The following TMEM26 variants were observed in gnomAD, a reference collection of about 807,000 sequenced individuals.
TMEM26 encodes the protein transmembrane protein 26.
Under a neutral mutation model 28.8 loss-of-function variants are expected in TMEM26, and 38 were observed. That is an observed-to-expected ratio of 1.32 (90% CI 1.02 to 1.73). TMEM26 has a LOEUF of 1.73. Ranked by LOEUF, TMEM26 falls within the 40% of genes most tolerant of loss-of-function variation. The pLI is 0.00. For missense variants in TMEM26, 518 were observed against 447.1 expected, an observed-to-expected ratio of 1.16 and a Z score of -1.43; for synonymous variants, 227 against 182.9, an observed-to-expected ratio of 1.24 and a Z score of -1.95.
chr10:61,420,612 A>G (rs1839729588), intron 4 of TMEM26, among the ~76,000 whole-genome samples: 1 of 151,960 alleles, frequency 6.6e-6, no homozygotes, highest in East Asian at 1.9e-4. Context: ...TACACCTGTA[A>G]ACTATGTTTT....
chr10:61,452,978 C>A lies in TMEM26; in HGVS notation c.104G>T (p.Arg35Leu), dbSNP rs1840317089. The change falls in exon 1 of 6, where the codon CGG (arginine) becomes CTG (leucine). Residue 35 changes from arginine to leucine, a missense_variant. By Grantham distance (102) the Arg-to-Leu change is moderately radical. Transcript: ENST00000399298. ...WRVTEVKKEPRYWLLALLNLL... is the reference protein window; with the variant it reads ...WRVTEVKKEPLYWLLALLNLL... ...GTTGAGCAGCGCAAGCAGCCAGTAC[C>A]GCGGCTCCTTCTTCACCTCGGTCAC... 1 of 1,614,066 alleles carries A rather than the reference C, an allele frequency of 6.2e-7. No homozygotes were observed. The highest frequency in any genetic ancestry group is 8.5e-7 in the Non-Finnish European group (1 of 1,180,028).
At position 61,408,432 on chromosome 10, in the gene TMEM26, C is replaced by T. The variant is rs1345706143; in HGVS notation, c.*1890G>A. 1 of 152,112 alleles carries T rather than the reference C, an allele frequency of 6.6e-6. No individual in the cohort carries two copies. The highest frequency in any genetic ancestry group is 6.5e-5 in the Admixed American group (1 of 15,274). 9.4% of individuals were successfully genotyped at this position (152,112 alleles called of 1,614,324 possible). ...TTTATACTTTATCTATTTTTAGGGC[C>T]TCAGTGTTTATTTTGCTGGAAGAAA... On this transcript the variant is annotated 3_prime_UTR_variant, in exon 6 of 6. Transcript: ENST00000399298.
intron 4 of TMEM26, among the ~76,000 whole-genome samples, chr10:61,420,509 G>A (rs756520892): frequency 6.6e-6 from 1 of 152,092 alleles, no homozygotes; most frequent in African/African-American, 2.4e-5. Flanking sequence ...CAGAAACAAT[G>A]AAGGCCAGTA....
rs1455669555 is a variant in TMEM26, at chr10:61,410,402, G to T, written c.1027C>A (p.Gln343Lys). Residue 343 changes from glutamine (Q) to lysine (K), a missense_variant, in exon 6 of 6, where the codon CAG becomes AAG. Coordinates refer to ENST00000399298, the MANE Select transcript of TMEM26 (RefSeq NM_178505.8). Reference protein sequence around the residue: ...SESGPSQRDWQNESKEGLAIP... With the variant: ...SESGPSQRDWKNESKEGLAIP... ...GCCAGGCCCTCCTTAGACTCGTTCT[G>T]CCAGTCCCGCTGAGAGGGCCCACTC... is the stretch of plus-strand genomic sequence containing the variant. 2 of 1,613,922 alleles carry T rather than the reference G, an allele frequency of 1.2e-6. No individual in the cohort carries two copies. The highest frequency in any genetic ancestry group is 1.7e-6 in the Non-Finnish European group (2 of 1,180,018).
intron 4 of TMEM26, among the ~76,000 whole-genome samples, chr10:61,416,785 A>G (rs1417241878): frequency 6.6e-6 from 1 of 152,094 alleles, no homozygotes; most frequent in East Asian, 1.9e-4. Flanking sequence ...TAATTTTACT[A>G]GTATGTCAAC....
intron 2 of TMEM26, 97 bp from the exon 3 acceptor site, chr10:61,431,429 A>T: frequency 1.2e-6 from 1 of 864,098 alleles, no homozygotes; most frequent in South Asian, 1.5e-5. Context: ...TTATGAGCAG[A>T]TATGCAGAGT....
chr10:61,429,657 T>C (rs540750871), intron 3 of TMEM26, among the ~76,000 whole-genome samples: 6 of 152,208 alleles, frequency 3.9e-5, no homozygotes, highest in Admixed American at 3.3e-4. Flanking sequence ...TAATAATGTT[T>C]ATCGATTACC....
In TMEM26 at chr10:61,414,051, T is replaced by G. The variant is rs186036935; in HGVS notation, c.606-516A>C. 110 of 987,084 alleles carry G rather than the reference T, an allele frequency of 1.1e-4. No individual in the cohort carries two copies. The Middle Eastern group carries it at 2.1e-3, about 19-fold the overall frequency. The allele number at this position is 987,084 out of a possible 1,614,324, so 61.1% of individuals were successfully genotyped here. A position where few individuals can be genotyped will look rare whatever the true frequency, so the allele number is the denominator to read the frequency against. ...GGAGATAAATCCAATAAACAAAGATTTATACCAGATAGTAGGACATAAAGC... is the reference window on the plus strand; with the variant it reads ...GGAGATAAATCCAATAAACAAAGATGTATACCAGATAGTAGGACATAAAGC... On this transcript the variant is annotated intron_variant, in intron 4 of 5. Transcript: ENST00000399298.
chr10:61,430,435 C>A (rs1257499656), intron 3 of TMEM26, among the ~76,000 whole-genome samples: 1 of 151,728 alleles, frequency 6.6e-6, no homozygotes, highest in Non-Finnish European at 1.5e-5. Context: ...CTACAAAATA[C>A]ATATGGTGGA....
chr10:61,445,526 T>G (rs958815173), intron 1 of TMEM26, among the ~76,000 whole-genome samples: 1 of 152,128 alleles, frequency 6.6e-6, no homozygotes, highest in Non-Finnish European at 1.5e-5. Flanking sequence ...ACCCATCTCC[T>G]TAAATAACTA....
intron 2 of TMEM26, among the ~76,000 whole-genome samples, chr10:61,431,573 G>T (rs1478811165): frequency 6.6e-6 from 1 of 152,086 alleles, no homozygotes; most frequent in Non-Finnish European, 1.5e-5. Flanking sequence ...GGATGCAAAT[G>T]CTCTGAGTCA....
chr10:61,450,228 T>C (rs974846236), intron 1 of TMEM26, among the ~76,000 whole-genome samples: 21 of 152,180 alleles, frequency 1.4e-4, no homozygotes, highest in African/African-American at 5.1e-4. Flanking sequence ...AATATTTTTC[T>C]ATATAGAGGT....
chr10:61,424,905 C>T (rs1239651350), intron 4 of TMEM26, among the ~76,000 whole-genome samples: 1 of 152,200 alleles, frequency 6.6e-6, no homozygotes, highest in Non-Finnish European at 1.5e-5. Flanking sequence ...AACTTGGAAC[C>T]TTACCTCCCA....
intron 5 of TMEM26, among the ~76,000 whole-genome samples, chr10:61,413,237 CTA>C (rs541014861): frequency 1.2e-3 from 185 of 152,166 alleles, no homozygotes; most frequent in Non-Finnish European, 2.0e-3. Flanking sequence ...AAATATAACA[CTA>C]TGCAATTATC....
At chr10:61,420,082 C>T (rs1839718560) in intron 4 of TMEM26, among the ~76,000 whole-genome samples, 1 of 152,250 alleles carries the variant, frequency 6.6e-6, no homozygotes, top group South Asian at 2.1e-4. Flanking sequence ...TAGTGTACTG[C>T]TGACTGGAAG....
chr10:61,425,533 A>G (rs1261991112), intron 4 of TMEM26, among the ~76,000 whole-genome samples: 1 of 152,204 alleles, frequency 6.6e-6, no homozygotes, highest in Non-Finnish European at 1.5e-5. Context: ...GGAAATATTT[A>G]TATTTAGATA....
intron 4 of TMEM26, among the ~76,000 whole-genome samples, chr10:61,417,361 AG>A (rs1360158182): frequency 1.3e-5 from 2 of 152,008 alleles, no homozygotes; most frequent in African/African-American, 4.8e-5. Flanking sequence ...GGTGGTTAAA[AG>A]TAAAAATAAA....
At chr10:61,434,948 G>T (rs1482586702) in intron 2 of TMEM26, among the ~76,000 whole-genome samples, 1 of 152,140 alleles carries the variant, frequency 6.6e-6, no homozygotes, top group Non-Finnish European at 1.5e-5. Context: ...TATCAGTGAA[G>T]TTACCAAAAT....
At position 61,436,212 on chromosome 10, in the gene TMEM26, G is replaced by A. The variant is rs780579812; in HGVS notation, c.228C>T (p.Ile76=). The change falls in exon 2 of 6, where the codon ATC becomes ATT. Residue 76 remains isoleucine (I), a synonymous_variant. Transcript: ENST00000399298. ...SPAIFLYLIS[I]VPSLWLLELH... ...ATTCAAGAAGCCATAATGATGGAAC[G>A]ATGCTAATCAGATATAAAAATATGG... 15 of 1,607,368 alleles carry A rather than the reference G, an allele frequency of 9.3e-6. No homozygotes were observed. Among genetic ancestry groups the A allele is most frequent in the South Asian group, 5.6e-5 (5 of 89,498 alleles).
Sources: allele counts gnomAD v4.1 joint callset (sites outside exome capture counted in the v4.1 genomes callset), GRCh38; gene constraint gnomAD v4.1.1; transcripts MANE v1.5; gene names NCBI Gene and HGNC (gene_info 2026-07-23, HGNC 2026-07-21).